Variants in SEMA4D observed in about 807,000 individuals in gnomAD.
SEMA4D encodes the protein semaphorin-4D.
A neutral mutation model predicts 74.8 loss-of-function variants in SEMA4D; 22 were observed. The observed-to-expected ratio is 0.29, with a 90% CI of 0.21 to 0.42. The LOEUF (loss-of-function observed/expected upper bound fraction) is 0.42. SEMA4D is among the 10% of genes least tolerant of loss of function. The pLI, the probability that SEMA4D is intolerant of heterozygous loss-of-function variation, is 1.00. For synonymous variants in SEMA4D, 445 were observed against 463.7 expected, an observed-to-expected ratio of 0.96 and a Z score of 0.52; for missense variants, 937 against 1,118.4, an observed-to-expected ratio of 0.84 and a Z score of 2.31.
chr9:89,479,670 G>A lies in SEMA4D; in HGVS notation c.-310+18249C>T, dbSNP rs547522183. ...GTCTCGCTGGCTCGGGAGTGAAGCT[G>A]CAGACCTTCACGGTGAGTGTTACAG... On this transcript the variant is annotated intron_variant, in intron 1 of 15. Coordinates refer to ENST00000422704, the MANE Select transcript of SEMA4D (RefSeq NM_001371194.2). 267 of 161,390 alleles carry A rather than the reference G, an allele frequency of 1.7e-3. 1 individual carries two copies. Among genetic ancestry groups the A allele is most frequent in the African/African-American group, 6.1e-3 (255 of 41,590 alleles). 10.0% of individuals were successfully genotyped at this position (161,390 alleles called of 1,614,324 possible).
intron 12 of SEMA4D, 43 bp from the exon 13 acceptor site, chr9:89,386,525 C>A: frequency 7.2e-7 from 1 of 1,396,434 alleles, no homozygotes; most frequent in Non-Finnish European, 1.0e-6. Context: ...AACCCAGACA[C>A]AGAAACCAAG....
At chr9:89,473,981 C>G (rs547762731) in intron 1 of SEMA4D, among the ~76,000 whole-genome samples, 1 of 152,294 alleles carries the variant, frequency 6.6e-6, no homozygotes, top group East Asian at 1.9e-4. Flanking sequence ...CTCAGGTCCT[C>G]CCCAGGCATC....
At chr9:89,395,297 T>C (rs58031970) in intron 6 of SEMA4D, among the ~76,000 whole-genome samples, 2,170 of 152,028 alleles carry the variant, frequency 0.014, 54 homozygotes, top group African/African-American at 0.05. Flanking sequence ...TGGTGGCACA[T>C]GCCTGTAATC....
At chr9:89,369,168 A>G (rs920952249) in intron 16 of SEMA4D, 1 of 152,230 alleles carries the variant, frequency 6.6e-6, no homozygotes, top group African/African-American at 2.4e-5. Flanking sequence ...TCTGAAACAA[A>G]GGGAAATGTC....
intron 2 of SEMA4D, chr9:89,449,596 C>A: frequency 1.1e-6 from 1 of 936,354 alleles, no homozygotes; most frequent in Non-Finnish European, 1.8e-6. Context: ...AAACTATCGC[C>A]GAGGACCTGG....
At chr9:89,427,825 G>A (rs1388917475) in intron 2 of SEMA4D, among the ~76,000 whole-genome samples, 6 of 152,210 alleles carry the variant, frequency 3.9e-5, no homozygotes, top group African/African-American at 7.2e-5. Context: ...GCGACGTGGC[G>A]GGTCACACGT....
intron 2 of SEMA4D, among the ~76,000 whole-genome samples, chr9:89,408,101 T>C (rs1477272889): frequency 6.6e-6 from 1 of 152,270 alleles, no homozygotes. Context: ...CACTTTTTGT[T>C]TGCAAAACAG....
intron 13 of SEMA4D, among the ~76,000 whole-genome samples, chr9:89,382,072 A>T (rs1336077772): frequency 6.6e-6 from 1 of 152,210 alleles, no homozygotes; most frequent in African/African-American, 2.4e-5. Context: ...CTTCTGGGAC[A>T]CTTGGTTCCC....
At chr9:89,371,427 G>GGT (rs1205874321) in intron 16 of SEMA4D, among the ~76,000 whole-genome samples, 1 of 120,196 alleles carries the variant, frequency 8.3e-6, no homozygotes. Context: ...GTGTGTCTGG[G>GGT]GTGTGTGTGT....
intron 18 of SEMA4D, among the ~76,000 whole-genome samples, chr9:89,362,879 G>A (rs1370402056): frequency 1.3e-5 from 2 of 152,178 alleles, no homozygotes; most frequent in African/African-American, 2.4e-5. Flanking sequence ...TTTAGGAGCC[G>A]GGGCTGGACA....
intron 1 of SEMA4D, among the ~76,000 whole-genome samples, chr9:89,459,218 C>A (rs1856683783): frequency 6.6e-6 from 1 of 152,074 alleles, no homozygotes; most frequent in Non-Finnish European, 1.5e-5. Context: ...GATCTCTGGG[C>A]CCCAGTTGGA....
chr9:89,417,989 CT>C, intron 2 of SEMA4D: 1 of 632,702 alleles, frequency 1.6e-6, no homozygotes, highest in East Asian at 1.4e-4. Flanking sequence ...CCAGATCCAA[CT>C]GAGGCCTCTA....
At chr9:89,486,825 T>C (rs1270590331) in intron 1 of SEMA4D, among the ~76,000 whole-genome samples, 1 of 152,168 alleles carries the variant, frequency 6.6e-6, no homozygotes, top group East Asian at 1.9e-4. Context: ...GAAGATCACT[T>C]GAGCCCAGGA....
chr9:89,413,114 CAG>C (rs1392019804), intron 2 of SEMA4D, among the ~76,000 whole-genome samples: 3 of 152,220 alleles, frequency 2.0e-5, no homozygotes, highest in African/African-American at 4.8e-5. Flanking sequence ...TTTGCCCTGA[CAG>C]TGTGAAATTG....
At chr9:89,391,874 C>T (rs1366875931) in intron 8 of SEMA4D, among the ~76,000 whole-genome samples, 2 of 152,258 alleles carry the variant, frequency 1.3e-5, no homozygotes, top group African/African-American at 2.4e-5. Flanking sequence ...GTCTTGGGAT[C>T]TGCCCTAAGG....
chr9:89,466,120 G>A lies in SEMA4D; in HGVS notation c.-309-10167C>T, dbSNP rs905559765. 4.6e-5 allele frequency among the ~76,000 whole-genome samples: 7 copies of A among 152,156 alleles called. 1 individual carries two copies. The highest frequency in any genetic ancestry group is 4.6e-4 in the Admixed American group (7 of 15,278). ...GCAGGACCACACAGGGTGCACGCCA[G>A]GCAGTTTGCAGCCCTGGCCTGGCTA... On this transcript the variant is annotated intron_variant, in intron 1 of 15. Transcript: ENST00000422704.
chr9:89,462,622 A>ACAACAACAAGC (rs1281813986), intron 1 of SEMA4D, among the ~76,000 whole-genome samples: 1 of 141,792 alleles, frequency 7.1e-6, no homozygotes, highest in Non-Finnish European at 1.5e-5. Flanking sequence ...ACAACTCAAA[A>ACAACAACAAGC]CAACAACAAG....
chr9:89,379,004 CT>C lies in SEMA4D; in HGVS notation c.2288del (p.Gln763ArgfsTer3), dbSNP rs760648673. On this transcript the variant is annotated frameshift_variant, in exon 16 of 16. Transcript: ENST00000422704. LOFTEE classifies it high-confidence loss of function. ...YNCYKGYLPR[Q>X]CLKFRSALLI... ...GTAGGGCCGAGCGGAATTTCAAGCA[CT>C]GTCTGGGCAGGTATCCCTTATAGCA... The C allele has an allele frequency of 6.2e-7, 1 of 1,612,870 alleles. No individual in the cohort carries two copies. Among genetic ancestry groups the C allele is most frequent in the African/African-American group, 1.3e-5 (1 of 75,012 alleles).
At chr9:89,483,005 C>T (rs553364738) in intron 1 of SEMA4D, among the ~76,000 whole-genome samples, 4 of 152,338 alleles carry the variant, frequency 2.6e-5, no homozygotes, top group South Asian at 4.1e-4. Context: ...TGTATCTCCC[C>T]GAAGGCTTGA....
Sources: gnomAD v4.1 joint callset for allele counts (sites outside exome capture counted in the v4.1 genomes callset) on GRCh38, gnomAD v4.1.1 for gene constraint, MANE v1.5 for transcripts, NCBI Gene and HGNC (gene_info 2026-07-23, HGNC 2026-07-21) for gene names.